Variants in ABCF2 observed in about 807,000 individuals in gnomAD.
ABCF2 encodes ATP-binding cassette sub-family F member 2.
Under a neutral mutation model 76.9 loss-of-function variants are expected in ABCF2, and 37 were observed. The observed-to-expected ratio is 0.48, with a 90% CI of 0.37 to 0.63. The LOEUF is 0.63. Ranked by LOEUF, ABCF2 falls within the 30% of genes least tolerant of loss-of-function variation. The pLI is 0.00. For synonymous variants in ABCF2, 299 were observed against 283.7 expected (o/e 1.05, Z -0.54); for missense variants, 524 against 782.1 (o/e 0.67, Z 3.94).
At chr7:151,217,926 C>T (rs1003589571) in intron 11 of ABCF2, among the ~76,000 whole-genome samples, 155 bp downstream of exon 11, 1 of 152,200 alleles carries the variant, frequency 6.6e-6, no homozygotes, top group South Asian at 2.1e-4. Flanking sequence ...CAGACATTCC[C>T]CCTCTCCTGG....
In ABCF2 at chr7:151,213,277, G is replaced by C. The variant is rs557448504; in HGVS notation, c.*777C>G. ...TGAGGCGAGATCTGGCAATCTGATT[G>C]CATGAGCCCTCCAGGTGATTCTGAT... On this transcript the variant is annotated 3_prime_UTR_variant, in exon 15 of 15. Transcript: ENST00000287844. 7 of 976,734 alleles carry C rather than the reference G, an allele frequency of 7.2e-6. No individual in the cohort carries two copies. In the South Asian group the frequency reaches 1.9e-4, roughly 26 times the overall value. The allele number at this position is 976,734 out of a possible 1,614,324, so 60.5% of individuals were successfully genotyped here. A position where few individuals can be genotyped will look rare whatever the true frequency, so the allele number is the denominator to read the frequency against.
intron 2 of ABCF2, 92 bp from the exon 3 acceptor site, chr7:151,225,080 G>T: frequency 8.8e-7 from 1 of 1,137,488 alleles, no homozygotes; most frequent in Non-Finnish European, 1.3e-6. Flanking sequence ...CTCCAATCCT[G>T]CTGAGCACTC....
rs1304180822 is a variant in ABCF2 at position 151,216,047 on chromosome 7, G to A, written c.1339-18C>T. 6.2e-7 allele frequency: 1 copy of A among 1,611,010 alleles called. No homozygotes were observed. The highest frequency in any genetic ancestry group is 8.5e-7 in the Non-Finnish European group (1 of 1,177,502). The stretch of plus-strand genomic sequence containing the variant: ...GGTAGTAGCTAGGAAGAAAAAAGTA[G>A]AAACGTAAGCATGAAACAAAGGAAG... On this transcript the variant is annotated intron_variant, in intron 11 of 14. Transcript: ENST00000287844.
chr7:151,226,189 A>G, intron 2 of ABCF2, 116 bp downstream of exon 2: 1 of 1,213,554 alleles, frequency 8.2e-7, no homozygotes, highest in Non-Finnish European at 1.2e-6. Context: ...TCATCATGAA[A>G]AGTTGCATGA....
Position 151,212,530 on chromosome 7 carries a change from C to T in ABCF2, c.*1524G>A, listed in dbSNP as rs1396460678. On this transcript the variant is annotated 3_prime_UTR_variant, in exon 15 of 15. Coordinates refer to ENST00000287844, the MANE Select transcript of ABCF2 (RefSeq NM_007189.3). ...TTTTTATTTTTTTGAGACAGTGTCT[C>T]GGTCTGTCATCAGGCTGGAGTGTAG... 2.0e-6 allele frequency: 2 copies of T among 981,580 alleles called. No homozygotes were observed. The highest frequency in any genetic ancestry group is 1.7e-5 in the African/African-American group (1 of 57,154). 60.8% of individuals were successfully genotyped at this position (981,580 alleles called of 1,614,324 possible). A position where few individuals can be genotyped will look rare whatever the true frequency, so the allele number is the denominator to read the frequency against.
chr7:151,224,694 C>T (rs1200882329), intron 3 of ABCF2, 82 bp downstream of exon 3: 2 of 1,329,278 alleles, frequency 1.5e-6, no homozygotes. Context: ...TTGCTCTGAA[C>T]ACAGTTGATG....
At chr7:151,224,719 G>A (rs1301428874) in intron 3 of ABCF2, 57 bp downstream of exon 3, 40 of 1,478,204 alleles carry the variant, frequency 2.7e-5, no homozygotes, top group Non-Finnish European at 3.8e-5. Context: ...ATAAATGCTT[G>A]TGAGTGACAG....
At chr7:151,218,057 T>G (rs1368038865) in intron 11 of ABCF2, 24 bp downstream of exon 11, 1 of 1,543,176 alleles carries the variant, frequency 6.5e-7, no homozygotes, top group Non-Finnish European at 9.0e-7. Context: ...CTTAGAGGGA[T>G]CCACGCCCAC....
At chr7:151,218,301 G>A in intron 10 of ABCF2, 110 bp from the exon 11 acceptor site, 1 of 825,396 alleles carries the variant, frequency 1.2e-6, no homozygotes, top group Non-Finnish European at 2.0e-6. Context: ...GGAAGGGAGA[G>A]TAGCGGGAGG....
At chr7:151,224,179 C>T in intron 3 of ABCF2, 65 bp from the exon 4 acceptor site, 2 of 1,517,086 alleles carry the variant, frequency 1.3e-6, no homozygotes, top group Non-Finnish European at 1.8e-6. Context: ...ACCACTAGTT[C>T]TTCCACCCCA....
chr7:151,219,457 G>A (rs1197026864), intron 7 of ABCF2, among the ~76,000 whole-genome samples: 2 of 152,332 alleles, frequency 1.3e-5, no homozygotes, highest in Middle Eastern at 3.4e-3. Context: ...TCATACGGAC[G>A]TCACGAGGCT....
At chr7:151,219,222 A>T (rs893375084) in intron 7 of ABCF2, 63 bp from the exon 8 acceptor site, 30 of 1,449,394 alleles carry the variant, frequency 2.1e-5, no homozygotes, top group Non-Finnish European at 2.7e-5. Flanking sequence ...CTGGATTCTC[A>T]CTCAGAGTTT....
At chr7:151,219,016 G>C (rs972614397) in intron 8 of ABCF2, 48 bp downstream of exon 8, 4 of 1,588,160 alleles carry the variant, frequency 2.5e-6, no homozygotes, top group South Asian at 1.1e-5. Context: ...CGAGCCCCCT[G>C]CTTCTTTCAG....
intron 10 of ABCF2, 114 bp downstream of exon 10, chr7:151,218,447 C>T (rs3800793): frequency 0.41 from 387,694 of 942,998 alleles, 83,631 homozygotes; most frequent in East Asian, 0.72. Context: ...ACCTGAAAAT[C>T]CCCCAGAGCA....
intron 11 of ABCF2, among the ~76,000 whole-genome samples, chr7:151,216,471 T>C (rs1490686106): frequency 2.0e-5 from 3 of 152,160 alleles, no homozygotes; most frequent in Non-Finnish European, 4.4e-5. Flanking sequence ...AAGAATTAGG[T>C]TCCTGCAGCA....
intron 3 of ABCF2, 149 bp downstream of exon 3, chr7:151,224,627 G>A (rs7786030): frequency 0.48 from 355,489 of 740,314 alleles, 89,685 homozygotes; most frequent in East Asian, 0.86. Context: ...ACTGCTCTGC[G>A]TTGCTAGTTC....
Position 151,211,575 on chromosome 7 carries a change from AT to A in ABCF2, c.*2478del. 1.0e-6 allele frequency: 1 copy of A among 985,408 alleles called. No homozygotes were observed. The highest frequency in any genetic ancestry group is 1.7e-5 in the African/African-American group (1 of 57,358). 61.0% of individuals were successfully genotyped at this position (985,408 alleles called of 1,614,324 possible). On this transcript the variant is annotated 3_prime_UTR_variant, in exon 15 of 15. Coordinates refer to ENST00000287844, the MANE Select transcript of ABCF2 (RefSeq NM_007189.3). The stretch of plus-strand genomic sequence containing the variant: ...TCTTGACAAATAAGCTGACTAGACT[AT>A]TTCCATTCCTCCAGGTTCTGAAGAT...
rs753104612 is a variant in ABCF2, at chr7:151,221,579, G to C, written c.920C>G (p.Thr307Arg). The C allele has an allele frequency of 6.4e-7, 1 of 1,568,230 alleles. No homozygotes were observed. Among genetic ancestry groups the C allele is most frequent in the African/African-American group, 1.4e-5 (1 of 73,518 alleles). ...CAGAAGAAGCCGAGGCCCACTCACC[G>C]TATAATACTTCAGTTTCTTGTTGTG... is the stretch of plus-strand genomic sequence containing the variant. ...HMHNKKLKYYTGNYDQYVKTR... is the reference protein window; with the variant it reads ...HMHNKKLKYYRGNYDQYVKTR... Residue 307 changes from threonine (T) to arginine (R), a missense_variant and splice_region_variant, in exon 7 of 15, where the codon ACG becomes AGG. Around this residue, in one of 2 missense-constraint regions of ABCF2, gnomAD observed 330 missense variants for 433.6 expected, o/e 0.76. Transcript: ENST00000287844.
At chr7:151,221,004 G>C (rs1802255329) in intron 7 of ABCF2, among the ~76,000 whole-genome samples, 1 of 152,236 alleles carries the variant, frequency 6.6e-6, no homozygotes, top group African/African-American at 2.4e-5. Context: ...AGGCAGATGA[G>C]AGCAGGGCCT....
Sources: allele counts gnomAD v4.1 joint callset (sites outside exome capture counted in the v4.1 genomes callset), GRCh38; gene constraint gnomAD v4.1.1; regional missense constraint gnomAD v4.1.1; transcripts MANE v1.5; gene names NCBI Gene and HGNC (gene_info 2026-07-23, HGNC 2026-07-21).